The following CMSS1 variants were observed in gnomAD, a reference collection of about 807,000 sequenced individuals.
CMSS1 encodes the protein cms1 ribosomal small subunit homolog, also known as protein CMSS1.
A neutral mutation model predicts 43.5 loss-of-function variants in CMSS1; 33 were observed. The observed-to-expected ratio is 0.76, with a 90% CI of 0.57 to 1.01. The LOEUF (loss-of-function observed/expected upper bound fraction) is 1.01, where lower values mean the gene tolerates loss of function less well. CMSS1 is among the 50% of genes least tolerant of loss of function. The probability of loss-of-function intolerance (pLI) is 0.00; values close to 1 mark genes in which losing one functional copy is unlikely to be tolerated. For missense variants in CMSS1, 313 were observed against 326.4 expected (o/e 0.96, Z 0.32); for synonymous variants, 115 against 117.2 (o/e 0.98, Z 0.12).
intron 1 of CMSS1, chr3:99,830,571 C>T (rs949172536): frequency 4.4e-6 from 2 of 456,432 alleles, no homozygotes; most frequent in Admixed American, 2.4e-5. Flanking sequence ...TTTAGGGATC[C>T]GTGCTGGGAT....
At chr3:99,987,516 G>A (rs182583953) in intron 1 of CMSS1, among the ~76,000 whole-genome samples, 9 of 143,078 alleles carry the variant, frequency 6.3e-5, no homozygotes, top group East Asian at 6.1e-4. Context: ...GTGACAGAGC[G>A]AGATTCTGTC....
chr3:99,962,553 A>G (rs1455068169), intron 1 of CMSS1, among the ~76,000 whole-genome samples: 2 of 152,206 alleles, frequency 1.3e-5, no homozygotes, highest in African/African-American at 2.4e-5. Flanking sequence ...AGAGGAAGAG[A>G]TAATATTGTT....
At chr3:100,021,553 A>G (rs1435468223) in intron 1 of CMSS1, among the ~76,000 whole-genome samples, 1 of 152,202 alleles carries the variant, frequency 6.6e-6, no homozygotes, top group Non-Finnish European at 1.5e-5. Context: ...GAAAGGAGCT[A>G]TCGTGAGCTC....
intron 1 of CMSS1, among the ~76,000 whole-genome samples, chr3:100,135,437 CATGTGTGTGT>C (rs1485714674): frequency 3.5e-4 from 21 of 60,186 alleles, no homozygotes; most frequent in East Asian, 1.5e-3. Flanking sequence ...TGTGTGTGTG[CATGTGTGTGT>C]GTGTGTGTGT....
chr3:99,845,185 A>G (rs563333753), intron 1 of CMSS1, among the ~76,000 whole-genome samples: 46 of 152,236 alleles, frequency 3.0e-4, no homozygotes, highest in African/African-American at 9.4e-4. Flanking sequence ...GTAATGCACA[A>G]TGTCCTTCTA....
At chr3:100,072,395 G>A (rs1480871878) in intron 1 of CMSS1, among the ~76,000 whole-genome samples, 1 of 152,218 alleles carries the variant, frequency 6.6e-6, no homozygotes, top group Non-Finnish European at 1.5e-5. Flanking sequence ...CAGGCTTGGA[G>A]CTCAAGTAAC....
chr3:99,872,257 T>G (rs188162425), intron 1 of CMSS1, among the ~76,000 whole-genome samples: 1 of 139,848 alleles, frequency 7.2e-6, no homozygotes, highest in Non-Finnish European at 1.6e-5. Context: ...CTGTGGATAT[T>G]CTGTGCCAGG....
At chr3:100,114,748 C>G (rs193291479) in intron 1 of CMSS1, among the ~76,000 whole-genome samples, 1 of 152,124 alleles carries the variant, frequency 6.6e-6, no homozygotes, top group Non-Finnish European at 1.5e-5. Flanking sequence ...GAACAGATGC[C>G]CAGATGGACA....
intron 1 of CMSS1, among the ~76,000 whole-genome samples, chr3:100,135,430 G>A (rs538250555): frequency 1.4e-5 from 2 of 144,486 alleles, no homozygotes; most frequent in Non-Finnish European, 3.0e-5. Flanking sequence ...GCCTTTGTGT[G>A]TGTGTGCATG....
At chr3:100,013,215 T>TGTC (rs1710215896) in intron 1 of CMSS1, among the ~76,000 whole-genome samples, 2 of 47,648 alleles carry the variant, frequency 4.2e-5, no homozygotes, top group South Asian at 1.3e-3. Flanking sequence ...GCCAGTGAGG[T>TGTC]GTTGTTGTTG....
chr3:99,834,427 C>G (rs1942811887), intron 1 of CMSS1, among the ~76,000 whole-genome samples: 1 of 152,194 alleles, frequency 6.6e-6, no homozygotes, highest in Non-Finnish European at 1.5e-5. Context: ...ATCTCTCTTT[C>G]TGTGGAAATT....
At chr3:99,925,814 A>C in intron 1 of CMSS1, 1 of 984,022 alleles carries the variant, frequency 1.0e-6, no homozygotes, top group Non-Finnish European at 1.2e-6. Flanking sequence ...GCCAGTGGCC[A>C]AAAGCATCAC....
At chr3:99,994,638 G>A (rs1304948245) in intron 1 of CMSS1, among the ~76,000 whole-genome samples, 1 of 152,102 alleles carries the variant, frequency 6.6e-6, no homozygotes, top group Non-Finnish European at 1.5e-5. Flanking sequence ...ACAATCACTG[G>A]GTGTATTAGT....
chr3:100,095,132 A>G (rs1010822934), intron 1 of CMSS1, among the ~76,000 whole-genome samples: 1 of 152,150 alleles, frequency 6.6e-6, no homozygotes, highest in African/African-American at 2.4e-5. Flanking sequence ...AGTCTTGATT[A>G]CTATAGTTAA....
At chr3:100,070,099 G>A (rs1325867880) in intron 1 of CMSS1, among the ~76,000 whole-genome samples, 1 of 152,184 alleles carries the variant, frequency 6.6e-6, no homozygotes, top group African/African-American at 2.4e-5. Context: ...TGCAGAAAGA[G>A]GCCGTGGATT....
chr3:100,103,692 C>T (rs12494994), intron 1 of CMSS1, among the ~76,000 whole-genome samples: 26,643 of 152,110 alleles, frequency 0.18, 2,396 homozygotes, highest in South Asian at 0.2. Flanking sequence ...TGGTCTCTTC[C>T]AGCAGCTATT....
intron 1 of CMSS1, among the ~76,000 whole-genome samples, chr3:100,016,154 T>G (rs949063903): frequency 1.3e-5 from 2 of 152,146 alleles, no homozygotes; most frequent in Non-Finnish European, 2.9e-5. Context: ...CTAGACAGTT[T>G]CTGAGTGCTG....
Position 100,178,523 on chromosome 3 carries a change from AT to A in CMSS1, c.*136del, listed in dbSNP as rs774976210. The A allele has an allele frequency of 2.5e-5, 15 of 589,200 alleles. No individual in the cohort carries two copies. The highest frequency in any genetic ancestry group is 6.5e-5 in the Admixed American group (2 of 30,992). The allele number at this position is 589,200 out of a possible 1,614,324, so 36.5% of individuals were successfully genotyped here. On this transcript the variant is annotated 3_prime_UTR_variant, in exon 10 of 10. Coordinates refer to ENST00000421999, the MANE Select transcript of CMSS1 (RefSeq NM_032359.4). ...TTGTGTCAACAGATGGATCACTGGAATGTGGGGATTCTGAAACAGAAATGAA... is the reference window on the plus strand; with the variant it reads ...TTGTGTCAACAGATGGATCACTGGAAGTGGGGATTCTGAAACAGAAATGAA...
At chr3:100,142,849 A>G (rs923173237) in intron 1 of CMSS1, among the ~76,000 whole-genome samples, 10 of 152,198 alleles carry the variant, frequency 6.6e-5, no homozygotes, top group East Asian at 5.8e-4. Context: ...AGGTATGGGG[A>G]GTCCTTTTTA....
Sources: allele counts gnomAD v4.1 joint callset (sites outside exome capture counted in the v4.1 genomes callset), GRCh38; gene constraint gnomAD v4.1.1; transcripts MANE v1.5; gene names NCBI Gene and HGNC (gene_info 2026-07-23, HGNC 2026-07-21).